TENM2: variants seen among roughly 807,000 people sequenced by gnomAD.
TENM2 encodes the protein teneurin transmembrane protein 2.
In TENM2, 52 loss-of-function variants were observed where a neutral mutation model predicts 245.2. The observed-to-expected ratio is 0.21, with a 90% CI of 0.17 to 0.27. The LOEUF is 0.27. Among genes scored for constraint, TENM2 ranks in the 10% least tolerant of loss-of-function variants. The pLI, the probability that TENM2 is intolerant of heterozygous loss-of-function variation, is 1.00. For missense variants in TENM2, 3,046 were observed against 3,666.8 expected (o/e 0.83, Z 4.37); for synonymous variants, 1,363 against 1,438.9 (o/e 0.95, Z 1.19).
chr5:167,212,456 T>A, the TENM2 span, among the ~76,000 whole-genome samples: 1 of 152,160 alleles, frequency 6.6e-6, no homozygotes, highest in African/African-American at 2.4e-5. Flanking sequence ...CTAAATGACT[T>A]TGAAGAGATG....
intron 12 of TENM2, among the ~76,000 whole-genome samples, chr5:168,156,260 A>AAAAAAC (rs1554210158): frequency 1.1e-4 from 17 of 150,854 alleles, no homozygotes; most frequent in Admixed American, 2.0e-4. Context: ...AAAAAAAAAA[A>AAAAAAC]AAAAAACACT....
At chr5:168,194,960 C>G (rs557479559) in intron 14 of TENM2, among the ~76,000 whole-genome samples, 1 of 152,120 alleles carries the variant, frequency 6.6e-6, no homozygotes, top group East Asian at 1.9e-4. Flanking sequence ...AAGGCGGGTG[C>G]CCAGGAGACC....
chr5:167,310,382 G>A (rs1178876319), intron 1 of TENM2, among the ~76,000 whole-genome samples: 1 of 152,176 alleles, frequency 6.6e-6, no homozygotes, highest in Non-Finnish European at 1.5e-5. Context: ...GCCAAAAGGA[G>A]CGTTTACAAA....
chr5:167,992,083 G>A (rs1299573962), intron 4 of TENM2, among the ~76,000 whole-genome samples: 2 of 152,062 alleles, frequency 1.3e-5, no homozygotes, highest in Non-Finnish European at 2.9e-5. Flanking sequence ...GGATGCAAAG[G>A]CATAAGAATA....
chr5:168,006,627 G>A (rs558986975), intron 5 of TENM2, among the ~76,000 whole-genome samples: 2 of 152,296 alleles, frequency 1.3e-5, no homozygotes, highest in East Asian at 1.9e-4. Flanking sequence ...ATGAAGAGTA[G>A]TGAGGCCTCA....
Position 167,487,041 on chromosome 5 carries a change from CAT to C in TENM2, c.502+111571_502+111572del, listed in dbSNP as rs943086711. Among the ~76,000 whole-genome samples, 259 of 152,232 alleles carry C rather than the reference CAT, an allele frequency of 1.7e-3. 1 individual carries two copies. Among genetic ancestry groups the C allele is most frequent in the African/African-American group, 5.9e-3 (244 of 41,546 alleles). ...CTATCTCAGTGGGGGAACAGAATAA[CAT>C]ATGAGATGGATTAGACTTCTGATAG... On this transcript the variant is annotated intron_variant, in intron 2 of 28. Coordinates refer to ENST00000518659, the Ensembl canonical transcript of TENM2.
intron 1 of TENM2, among the ~76,000 whole-genome samples, chr5:167,314,082 T>C (rs1756205803): frequency 6.6e-6 from 1 of 152,204 alleles, no homozygotes; most frequent in Non-Finnish European, 1.5e-5. Context: ...CATTGCCATA[T>C]AGAGTGGCAA....
intron 2 of TENM2, among the ~76,000 whole-genome samples, chr5:167,624,449 C>T (rs913954024): frequency 6.6e-6 from 1 of 152,248 alleles, no homozygotes; most frequent in Non-Finnish European, 1.5e-5. Flanking sequence ...TGAAAAACTA[C>T]CTATTGGATA....
At chr5:167,564,653 T>C (rs1773788922) in intron 2 of TENM2, among the ~76,000 whole-genome samples, 1 of 152,146 alleles carries the variant, frequency 6.6e-6, no homozygotes, top group East Asian at 1.9e-4. Context: ...GGCAGTTCTT[T>C]TGGGGGACTT....
At chr5:167,003,070 T>C in the TENM2 span, among the ~76,000 whole-genome samples, 2 of 152,192 alleles carry the variant, frequency 1.3e-5, no homozygotes, top group Non-Finnish European at 1.5e-5. Flanking sequence ...TGTGGTGACT[T>C]ATTGTTAGGC....
intron 4 of TENM2, among the ~76,000 whole-genome samples, chr5:167,961,274 A>T (rs1780993724): frequency 6.6e-6 from 1 of 152,252 alleles, no homozygotes; most frequent in South Asian, 2.1e-4. Context: ...CTGCCCTGAT[A>T]TGGTAAACCA....
At chr5:168,148,372 A>T (rs556741457) in intron 12 of TENM2, among the ~76,000 whole-genome samples, 1 of 152,204 alleles carries the variant, frequency 6.6e-6, no homozygotes, top group Non-Finnish European at 1.5e-5. Context: ...TCTGAATACC[A>T]TTGTACAAGC....
chr5:167,411,944 A>G (rs766244103), intron 2 of TENM2, among the ~76,000 whole-genome samples: 4 of 152,134 alleles, frequency 2.6e-5, no homozygotes, highest in African/African-American at 4.8e-5. Flanking sequence ...TGAATGTTGG[A>G]AAAATACTTA....
rs138107292 is a variant in TENM2, at chr5:168,072,304, G to A, written c.1515+10039G>A. 3.0e-3 allele frequency among the ~76,000 whole-genome samples: 457 copies of A among 152,196 alleles called. 1 individual carries two copies. The highest frequency in any genetic ancestry group is 4.9e-3 in the Non-Finnish European group (331 of 68,006). On this transcript the variant is annotated intron_variant, in intron 7 of 28. Coordinates refer to ENST00000518659, the Ensembl canonical transcript of TENM2. ...TAGCCTTGAAATGCTCATCAATTTC[G>A]CTGACCTTGACCCCAAGGCTCTGTG...
intron 2 of TENM2, among the ~76,000 whole-genome samples, chr5:167,515,306 G>A (rs1770250760): frequency 6.6e-6 from 1 of 152,080 alleles, no homozygotes; most frequent in African/African-American, 2.4e-5. Flanking sequence ...TAGACTGCAA[G>A]TAGAGTATAT....
intron 2 of TENM2, among the ~76,000 whole-genome samples, chr5:167,489,273 A>AAGTAAGGG (rs1296815250): frequency 1.3e-5 from 2 of 152,180 alleles, no homozygotes; most frequent in Non-Finnish European, 2.9e-5. Context: ...GACCTATGCA[A>AAGTAAGGG]TCTGGCTCTA....
At chr5:167,301,503 C>G (rs989779005) in intron 1 of TENM2, among the ~76,000 whole-genome samples, 4 of 152,130 alleles carry the variant, frequency 2.6e-5, no homozygotes, top group Admixed American at 2.6e-4. Context: ...TTGGCTGCCT[C>G]TACTCTATTA....
At chr5:168,036,631 C>T (rs1176795435) in intron 5 of TENM2, among the ~76,000 whole-genome samples, 1 of 116,122 alleles carries the variant, frequency 8.6e-6, no homozygotes, top group Non-Finnish European at 1.7e-5. Flanking sequence ...AGCGAAACTC[C>T]ATCAAAAAAA....
the TENM2 span, among the ~76,000 whole-genome samples, chr5:167,232,498 G>A: frequency 0.3 from 45,390 of 151,338 alleles, 10,360 homozygotes; most frequent in African/African-American, 0.64. Context: ...TCAGCCTCCC[G>A]TGTAGCTGGG....
Sources: allele counts gnomAD v4.1 joint callset (sites outside exome capture counted in the v4.1 genomes callset), GRCh38; gene constraint gnomAD v4.1.1; transcripts MANE v1.5; gene names NCBI Gene and HGNC (gene_info 2026-07-23, HGNC 2026-07-21).